The following WFS1 variants were observed in gnomAD, a reference collection of about 807,000 sequenced individuals.
WFS1 encodes the protein wolframin.
In WFS1, 90 loss-of-function variants were observed where a neutral mutation model predicts 68.5. The ratio of observed to expected loss-of-function variants is 1.31; its 90% confidence interval spans 1.11 to 1.56. The LOEUF (loss-of-function observed/expected upper bound fraction) is 1.56, where lower values mean the gene tolerates loss of function less well. WFS1 is among the 40% of genes most tolerant of loss of function. The pLI is 0.00. For synonymous variants in WFS1, 860 were observed against 540.7 expected (o/e 1.59, Z -8.19); for missense variants, 1,767 against 1,232.6 (o/e 1.43, Z -6.49).
rs1324272693 is a variant in WFS1 at position 6,277,612 on chromosome 4, G to C, written c.157G>C (p.Gly53Arg). 2.5e-6 allele frequency: 4 copies of C among 1,575,638 alleles called. No homozygotes were observed. The highest frequency in any genetic ancestry group is 3.4e-6 in the Non-Finnish European group (4 of 1,160,948). The change falls in exon 2 of 8, where the codon GGT becomes CGT. Residue 53 changes from glycine to arginine, a missense_variant. By Grantham distance (125) the Gly-to-Arg change is moderately radical. Transcript: ENST00000226760. ...CGGACCCCAGGCTGGCCCTGGCCCT[G>C]GTGTTAGAGACGCAGCGGCCCCCGC... ...APGPQAGPGP[G>R]VRDAAAPAEP...
chr4:6,296,757 C>T (rs1310278954), intron 7 of WFS1, among the ~76,000 whole-genome samples: 1 of 152,252 alleles, frequency 6.6e-6, no homozygotes, highest in African/African-American at 2.4e-5. Flanking sequence ...CATATGCGTC[C>T]TGTTCGGAAA....
chr4:6,302,621 AC>A lies in WFS1; in HGVS notation c.*157del. 9.4e-7 allele frequency: 1 copy of A among 1,069,004 alleles called. No individual in the cohort carries two copies. Among genetic ancestry groups the A allele is most frequent in the East Asian group, 2.6e-5 (1 of 38,290 alleles). The allele number at this position is 1,069,004 out of a possible 1,614,324, so 66.2% of individuals were successfully genotyped here. A position where few individuals can be genotyped will look rare whatever the true frequency, so the allele number is the denominator to read the frequency against. The stretch of plus-strand genomic sequence containing the variant: ...TTGCGACCATGTGTAGATTGCGTGG[AC>A]CCCGACAAAGGGAAGGCTGCTGTGT... On this transcript the variant is annotated 3_prime_UTR_variant, in exon 8 of 8. Transcript: ENST00000226760.
intron 2 of WFS1, among the ~76,000 whole-genome samples, chr4:6,284,076 CAA>C (rs1442188617): frequency 6.6e-6 from 1 of 152,034 alleles, no homozygotes; most frequent in African/African-American, 2.4e-5. Flanking sequence ...GTGTCCATCT[CAA>C]AGAGATTCTG....
At chr4:6,293,210 T>C (rs1349563010) in intron 6 of WFS1, among the ~76,000 whole-genome samples, 2 of 152,128 alleles carry the variant, frequency 1.3e-5, no homozygotes, top group African/African-American at 4.8e-5. Context: ...CCAACCTCAC[T>C]TCCCAGTCCC....
At chr4:6,299,203 AG>A in intron 7 of WFS1, among the ~76,000 whole-genome samples, 1 of 152,340 alleles carries the variant, frequency 6.6e-6, no homozygotes, top group East Asian at 1.9e-4. Flanking sequence ...CAGACCAGGA[AG>A]GCATGAGGGC....
rs757606512 is a variant in WFS1, at chr4:6,301,292, C to T, written c.1497C>T (p.Leu499=). 1 of 1,611,598 alleles carries T rather than the reference C, an allele frequency of 6.2e-7. No individual in the cohort carries two copies. The highest frequency in any genetic ancestry group is 1.1e-5 in the South Asian group (1 of 91,088). The change falls in exon 8 of 8, where the codon CTC becomes CTT. Residue 499 remains leucine (L), a synonymous_variant. Coordinates refer to ENST00000226760, the MANE Select transcript of WFS1 (RefSeq NM_006005.3). The stretch of plus-strand genomic sequence containing the variant: ...TGCCTGTCGGCCACCTGGTCGTCCT[C>T]AACGTCAGCGTCCCGTGCCTGCTCT... ...ITVPVGHLVV[L]NVSVPCLLYV... is the part of the protein sequence containing the mutation.
At chr4:6,274,029 G>A (rs992146890) in intron 1 of WFS1, among the ~76,000 whole-genome samples, 1 of 149,828 alleles carries the variant, frequency 6.7e-6, no homozygotes, top group Non-Finnish European at 1.5e-5. Context: ...TAATGGCTTA[G>A]GGTTTTTCTT....
chr4:6,302,628 C>G lies in WFS1; in HGVS notation c.*160C>G. ...CATGTGTAGATTGCGTGGACCCCGA[C>G]AAAGGGAAGGCTGCTGTGTAGCTCT... On this transcript the variant is annotated 3_prime_UTR_variant, in exon 8 of 8. Transcript: ENST00000226760. The G allele has an allele frequency of 9.9e-7, 1 of 1,006,460 alleles. No individual in the cohort carries two copies. The highest frequency in any genetic ancestry group is 1.6e-5 in the South Asian group (1 of 62,290). The allele number at this position is 1,006,460 out of a possible 1,614,324, so 62.3% of individuals were successfully genotyped here. A position where few individuals can be genotyped will look rare whatever the true frequency, so the allele number is the denominator to read the frequency against.
chr4:6,299,077 T>G (rs1010786047), intron 7 of WFS1, among the ~76,000 whole-genome samples: 2 of 152,252 alleles, frequency 1.3e-5, no homozygotes, highest in Non-Finnish European at 2.9e-5. Context: ...CTGCTTTGTA[T>G]GCCACGCCAT....
intron 1 of WFS1, among the ~76,000 whole-genome samples, chr4:6,272,870 C>T (rs956708430): frequency 5.3e-5 from 8 of 152,222 alleles, no homozygotes; most frequent in African/African-American, 1.9e-4. Flanking sequence ...TGTCTCAAAA[C>T]GTTCATGTAC....
Position 6,295,032 on chromosome 4 carries a change from A to T in WFS1, c.713-9A>T, listed in dbSNP as rs565042964. 6 of 1,613,288 alleles carry T rather than the reference A, an allele frequency of 3.7e-6. 1 individual carries two copies. In the South Asian group the frequency reaches 5.5e-5, roughly 15 times the overall value. ...TGGGGCGCCCATGCTGTTTTCTCTC[A>T]TGCTTCAGCCAAGAACTACATCGCG... On this transcript the variant is annotated splice_polypyrimidine_tract_variant and intron_variant, in intron 6 of 7. Coordinates refer to ENST00000226760, the MANE Select transcript of WFS1 (RefSeq NM_006005.3).
chr4:6,271,311 G>C (rs1233826919), intron 1 of WFS1, among the ~76,000 whole-genome samples: 1 of 152,162 alleles, frequency 6.6e-6, no homozygotes, highest in Middle Eastern at 3.2e-3. Context: ...AGGAAAAGTT[G>C]GCTGGGAGAC....
intron 7 of WFS1, 42 bp from the exon 8 acceptor site, chr4:6,300,615 G>T (rs1213466667): frequency 1.9e-6 from 3 of 1,612,958 alleles, no homozygotes; most frequent in East Asian, 4.5e-5. Flanking sequence ...AGCAGTGGGG[G>T]TCCTGTCCCA....
rs2109128285 is a variant in WFS1 at position 6,302,620 on chromosome 4, G to A, written c.*152G>A. Reference sequence around the variant, plus strand: ...CTTGCGACCATGTGTAGATTGCGTGGACCCCGACAAAGGGAAGGCTGCTGT... The same window carrying A: ...CTTGCGACCATGTGTAGATTGCGTGAACCCCGACAAAGGGAAGGCTGCTGT... On this transcript the variant is annotated 3_prime_UTR_variant, in exon 8 of 8. Transcript: ENST00000226760. 2 of 1,081,736 alleles carry A rather than the reference G, an allele frequency of 1.8e-6. No individual in the cohort carries two copies. Among genetic ancestry groups the A allele is most frequent in the Middle Eastern group, 3.0e-4 (1 of 3,286 alleles). The allele number at this position is 1,081,736 out of a possible 1,614,324, so 67.0% of individuals were successfully genotyped here. A position where few individuals can be genotyped will look rare whatever the true frequency, so the allele number is the denominator to read the frequency against.
chr4:6,270,501 C>T (rs1729803309), intron 1 of WFS1, among the ~76,000 whole-genome samples: 3 of 152,168 alleles, frequency 2.0e-5, no homozygotes, highest in South Asian at 2.1e-4. Flanking sequence ...CCAGGGGGAC[C>T]CGGCCCGCCC....
Position 6,301,280 on chromosome 4 carries a change from C to T in WFS1, c.1485C>T (p.His495=), listed in dbSNP as rs534981149. Residue 495 remains histidine, a synonymous_variant, in exon 8 of 8, where the codon CAC becomes CAT. Transcript: ENST00000226760. ...CCTTCATCACCGTGCCTGTCGGCCACCTGGTCGTCCTCAACGTCAGCGTCC... is the reference window on the plus strand; with the variant it reads ...CCTTCATCACCGTGCCTGTCGGCCATCTGGTCGTCCTCAACGTCAGCGTCC... The part of the protein sequence containing the change: ...GQTFITVPVG[H]LVVLNVSVPC... 11 of 1,611,450 alleles carry T rather than the reference C, an allele frequency of 6.8e-6. No homozygotes were observed. The South Asian group carries it at 7.7e-5, about 11-fold the overall frequency.
At chr4:6,275,962 G>C (rs1388987965) in intron 1 of WFS1, among the ~76,000 whole-genome samples, 1 of 152,208 alleles carries the variant, frequency 6.6e-6, no homozygotes, top group African/African-American at 2.4e-5. Flanking sequence ...CCCATTTTCA[G>C]ATGAGGAGGC....
chr4:6,290,521 T>C (rs112100898), intron 4 of WFS1, among the ~76,000 whole-genome samples: 1,977 of 152,356 alleles, frequency 0.013, 44 homozygotes, highest in African/African-American at 0.043. Flanking sequence ...TGATGTGCAG[T>C]TGTGCTTTCT....
rs1560405424 is a variant in WFS1 at position 6,283,984 on chromosome 4, T to G, written c.233-3109T>G. 6.6e-6 allele frequency among the ~76,000 whole-genome samples: 1 copy of G among 151,948 alleles called. No individual in the cohort carries two copies. The highest frequency in any genetic ancestry group is 1.5e-5 in the Non-Finnish European group (1 of 67,998). On this transcript the variant is annotated intron_variant, in intron 2 of 7. Coordinates refer to ENST00000226760, the MANE Select transcript of WFS1 (RefSeq NM_006005.3). This position sits in a 1 kb window ranked among gnomAD's most constrained non-coding sequence, Gnocchi z 5.0. ...GATTTGCCTTTGAGCCCACGAAGGCTCCTACTTCATGGACTGAGCTAACTG... is the reference window on the plus strand; with the variant it reads ...GATTTGCCTTTGAGCCCACGAAGGCGCCTACTTCATGGACTGAGCTAACTG...
Sources: allele counts gnomAD v4.1 joint callset (sites outside exome capture counted in the v4.1 genomes callset), GRCh38; gene constraint gnomAD v4.1.1; non-coding constraint Gnocchi (gnomAD v3.1); transcripts MANE v1.5; gene names NCBI Gene and HGNC (gene_info 2026-07-23, HGNC 2026-07-21).